The following PRKG1 variants were observed in gnomAD, a reference collection of about 807,000 sequenced individuals.
The protein encoded by PRKG1 is cGMP-dependent protein kinase 1.
In PRKG1, 35 loss-of-function variants were observed where a neutral mutation model predicts 88.1. The observed-to-expected ratio is 0.40, with a 90% confidence interval of 0.30 to 0.53. The LOEUF (loss-of-function observed/expected upper bound fraction) is 0.53. Ranked by LOEUF, PRKG1 falls within the 20% of genes least tolerant of loss-of-function variation. The probability of loss-of-function intolerance (pLI) is 0.59; values close to 1 mark genes in which losing one functional copy is unlikely to be tolerated. For synonymous variants in PRKG1, 303 were observed against 292.5 expected, an observed-to-expected ratio of 1.04 and a Z score of -0.37; for missense variants, 540 against 839.8, an observed-to-expected ratio of 0.64 and a Z score of 4.41.
chr10:51,617,480 C>G (rs992261419), intron 3 of PRKG1, among the ~76,000 whole-genome samples: 1 of 152,150 alleles, frequency 6.6e-6, no homozygotes, highest in East Asian at 1.9e-4. Flanking sequence ...ATCTGGAGGA[C>G]TGGAGACTGG....
chr10:51,522,341 T>TA (rs1417333745), intron 3 of PRKG1, among the ~76,000 whole-genome samples: 1 of 152,206 alleles, frequency 6.6e-6, no homozygotes, highest in Admixed American at 6.5e-5. Context: ...AGACCAATCA[T>TA]AAAATAGCAG....
chr10:52,007,957 A>T (rs1844781693), intron 5 of PRKG1, among the ~76,000 whole-genome samples: 1 of 152,196 alleles, frequency 6.6e-6, no homozygotes, highest in Admixed American at 6.5e-5. Context: ...TAAAAATTGA[A>T]ATCAATACCA....
chr10:51,754,875 T>C (rs1451330563), intron 3 of PRKG1, among the ~76,000 whole-genome samples: 1 of 152,132 alleles, frequency 6.6e-6, no homozygotes, highest in Non-Finnish European at 1.5e-5. Context: ...TTGTGAGGTG[T>C]GTTGCCACTA....
At chr10:51,001,109 A>T (rs1204518674) in intron 1 of PRKG1, among the ~76,000 whole-genome samples, 2 of 152,230 alleles carry the variant, frequency 1.3e-5, no homozygotes, top group Admixed American at 1.3e-4. Flanking sequence ...TTTGACTCTC[A>T]TCCTCCTTCA....
chr10:51,224,772 C>G (rs180859509), intron 2 of PRKG1, among the ~76,000 whole-genome samples: 1 of 152,240 alleles, frequency 6.6e-6, no homozygotes, highest in East Asian at 1.9e-4. Context: ...AAAATCCAAG[C>G]CCTATTTCAT....
chr10:51,086,558 A>G (rs1326834218), intron 1 of PRKG1, among the ~76,000 whole-genome samples: 1 of 152,220 alleles, frequency 6.6e-6, no homozygotes, highest in East Asian at 1.9e-4. Flanking sequence ...AAGAGTATCC[A>G]TTAAAATTCA....
At chr10:51,125,751 C>A (rs1845380645) in intron 1 of PRKG1, among the ~76,000 whole-genome samples, 1 of 142,952 alleles carries the variant, frequency 7.0e-6, no homozygotes, top group Admixed American at 7.1e-5. Context: ...TAAATATCTA[C>A]ATATAAAAAT....
chr10:52,231,555 G>T (rs191479060), intron 9 of PRKG1, among the ~76,000 whole-genome samples: 2 of 152,074 alleles, frequency 1.3e-5, no homozygotes, highest in African/African-American at 2.4e-5. Flanking sequence ...AGAGTCTTTT[G>T]CTTATTAAGC....
chr10:51,597,079 G>T (rs1394652436), intron 3 of PRKG1, among the ~76,000 whole-genome samples: 1 of 152,100 alleles, frequency 6.6e-6, no homozygotes, highest in Admixed American at 6.5e-5. Flanking sequence ...GTTAGGAAAA[G>T]TATATTTTTT....
chr10:51,031,479 ATTAT>A (rs1237684398), intron 1 of PRKG1, among the ~76,000 whole-genome samples: 1 of 152,174 alleles, frequency 6.6e-6, no homozygotes, highest in East Asian at 1.9e-4. Flanking sequence ...CTAAATAGAT[ATTAT>A]TTATTATCTA....
chr10:51,409,469 A>AG (rs1838015746), intron 2 of PRKG1, among the ~76,000 whole-genome samples: 1 of 152,114 alleles, frequency 6.6e-6, no homozygotes, highest in Non-Finnish European at 1.5e-5. Flanking sequence ...GAAAGCACCC[A>AG]GGGGCAGTTC....
At chr10:52,078,448 T>A (rs535635609) in intron 7 of PRKG1, among the ~76,000 whole-genome samples, 34 of 152,226 alleles carry the variant, frequency 2.2e-4, no homozygotes, top group Non-Finnish European at 4.3e-4. Flanking sequence ...GAAACTTTCC[T>A]ACAAGAAACT....
chr10:51,888,364 C>T (rs1464345415), intron 4 of PRKG1, among the ~76,000 whole-genome samples: 3 of 152,150 alleles, frequency 2.0e-5, no homozygotes, highest in Non-Finnish European at 4.4e-5. Flanking sequence ...AAGTAAAATA[C>T]AAATTCTACT....
chr10:52,029,407 A>G (rs1358936667), intron 5 of PRKG1, among the ~76,000 whole-genome samples: 1 of 152,148 alleles, frequency 6.6e-6, no homozygotes, highest in African/African-American at 2.4e-5. Flanking sequence ...CTCACAGTAA[A>G]CATGAAAGTA....
intron 8 of PRKG1, among the ~76,000 whole-genome samples, chr10:52,160,361 A>G (rs1158401410): frequency 4.6e-5 from 7 of 152,014 alleles, no homozygotes; most frequent in Admixed American, 4.6e-4. Flanking sequence ...GTTGCCTATT[A>G]TTTGTCTATT....
intron 5 of PRKG1, among the ~76,000 whole-genome samples, chr10:52,014,174 G>T (rs1199548123): frequency 6.6e-6 from 1 of 152,178 alleles, no homozygotes; most frequent in Non-Finnish European, 1.5e-5. Context: ...CTTGCACATT[G>T]CTATAAAGAA....
intron 2 of PRKG1, among the ~76,000 whole-genome samples, chr10:51,186,154 A>ACCC (rs1837480222): frequency 6.6e-6 from 1 of 151,718 alleles, no homozygotes; most frequent in Admixed American, 6.6e-5. Flanking sequence ...ACCTACTTGT[A>ACCC]ATTTTCTGGT....
intron 3 of PRKG1, among the ~76,000 whole-genome samples, chr10:51,677,345 C>T (rs4146929): frequency 0.53 from 80,503 of 151,990 alleles, 21,815 homozygotes; most frequent in East Asian, 0.76. Context: ...AATGCACACA[C>T]TCTTGTTTGT....
intron 9 of PRKG1, among the ~76,000 whole-genome samples, chr10:52,210,503 A>G (rs1589702473): frequency 1.3e-5 from 2 of 152,234 alleles, no homozygotes; most frequent in East Asian, 3.9e-4. Flanking sequence ...TTCTTTTATA[A>G]CAATTCTCAC....
Sources: gnomAD v4.1 joint callset for allele counts (sites outside exome capture counted in the v4.1 genomes callset) on GRCh38, gnomAD v4.1.1 for gene constraint, MANE v1.5 for transcripts, NCBI Gene and HGNC (gene_info 2026-07-23, HGNC 2026-07-21) for gene names.